The following USH2A variants were observed in gnomAD, a reference collection of about 807,000 sequenced individuals.
The protein encoded by USH2A is Usher syndrome 2A (autosomal recessive, mild).
A neutral mutation model predicts 538.9 loss-of-function variants in USH2A; 443 were observed. The observed-to-expected ratio is 0.82, with a 90% CI of 0.76 to 0.89. USH2A has a LOEUF of 0.89. USH2A is among the 40% of genes least tolerant of loss of function. The probability of loss-of-function intolerance (pLI) is 0.00; values close to 1 mark genes in which losing one functional copy is unlikely to be tolerated. For missense variants in USH2A, 6,633 were observed against 6,324.8 expected (o/e 1.05, Z -1.65); for synonymous variants, 2,413 against 2,273.5 (o/e 1.06, Z -1.75).
intron 21 of USH2A, among the ~76,000 whole-genome samples, chr1:216,170,137 G>T (rs1463935051): frequency 6.6e-6 from 1 of 151,926 alleles, no homozygotes; most frequent in Non-Finnish European, 1.5e-5. Flanking sequence ...TTAATGAAGT[G>T]CTTAAATGTC....
chr1:216,338,326 T>C (rs2038013581), intron 4 of USH2A, among the ~76,000 whole-genome samples: 1 of 151,362 alleles, frequency 6.6e-6, no homozygotes, highest in Admixed American at 6.6e-5. Context: ...AATTGGAGCT[T>C]GAGATACAGT....
At chr1:216,387,594 T>G (rs1466165675) in intron 3 of USH2A, among the ~76,000 whole-genome samples, 1 of 152,194 alleles carries the variant, frequency 6.6e-6, no homozygotes, top group African/African-American at 2.4e-5. Flanking sequence ...TGTCTCAAGT[T>G]GGGCCAAACT....
At chr1:216,309,520 C>T (rs149275493) in intron 9 of USH2A, among the ~76,000 whole-genome samples, 26 of 152,114 alleles carry the variant, frequency 1.7e-4, no homozygotes, top group Non-Finnish European at 3.4e-4. Context: ...CTTTTTCTTT[C>T]GTTCTCCTTT....
chr1:215,915,855 C>A (rs1485667892), intron 38 of USH2A, among the ~76,000 whole-genome samples: 1 of 151,486 alleles, frequency 6.6e-6, no homozygotes, highest in Non-Finnish European at 1.5e-5. Context: ...TACTATGCAG[C>A]CATAAAAAAG....
At chr1:216,052,900 T>C (rs956150668) in intron 30 of USH2A, among the ~76,000 whole-genome samples, 4 of 152,202 alleles carry the variant, frequency 2.6e-5, no homozygotes, top group African/African-American at 4.8e-5. Context: ...TTTGAGATCA[T>C]TGAGTGGTTA....
At chr1:216,297,590 G>C (rs2037132260) in intron 9 of USH2A, among the ~76,000 whole-genome samples, 1 of 152,060 alleles carries the variant, frequency 6.6e-6, no homozygotes, top group Admixed American at 6.6e-5. Context: ...CAGAATTGTT[G>C]ATCTCAAGTT....
intron 13 of USH2A, among the ~76,000 whole-genome samples, chr1:216,240,108 A>G (rs1298892382): frequency 6.6e-6 from 1 of 152,012 alleles, no homozygotes; most frequent in Non-Finnish European, 1.5e-5. Context: ...GGAGAGCCCG[A>G]CAATAAGCTA....
chr1:215,876,910 T>C (rs74141450), intron 43 of USH2A, among the ~76,000 whole-genome samples: 2,644 of 152,246 alleles, frequency 0.017, 76 homozygotes, highest in African/African-American at 0.061. Context: ...AAGGCTAGAA[T>C]GGTAAACAGG....
At chr1:216,007,943 T>A (rs1668446437) in intron 32 of USH2A, among the ~76,000 whole-genome samples, 1 of 152,210 alleles carries the variant, frequency 6.6e-6, no homozygotes, top group Non-Finnish European at 1.5e-5. Flanking sequence ...TACATATATG[T>A]CTTGAAGACT....
In USH2A at chr1:215,628,536, G is replaced by C. The variant is rs143215970; in HGVS notation, c.15519+278C>G. Among the ~76,000 whole-genome samples, 894 of 152,242 alleles carry C rather than the reference G, an allele frequency of 5.9e-3. 21 individuals are homozygous for C. The South Asian group carries it at 0.064, about 11-fold the overall frequency. ...GTCCTCAGGTGATCCGCCCACCTCG[G>C]CCTCCCCAAGTGCTGGGATTACAGG... is the stretch of plus-strand genomic sequence containing the variant. On this transcript the variant is annotated intron_variant, in intron 71 of 71. Transcript: ENST00000307340.
chr1:215,647,753 G>A (rs1656907734), intron 66 of USH2A, 23 bp from the exon 67 acceptor site: 5 of 1,611,734 alleles, frequency 3.1e-6, no homozygotes, highest in South Asian at 2.2e-5. Context: ...TGGATACGTA[G>A]AGTCAAGACG....
chr1:215,992,064 C>A (rs1243170459), intron 35 of USH2A, among the ~76,000 whole-genome samples: 1 of 151,944 alleles, frequency 6.6e-6, no homozygotes, highest in Non-Finnish European at 1.5e-5. Context: ...AGTGCATTTG[C>A]CAAAAGTTTA....
At chr1:215,833,589 G>A (rs1380767618) in intron 47 of USH2A, among the ~76,000 whole-genome samples, 3 of 151,854 alleles carry the variant, frequency 2.0e-5, no homozygotes, top group Non-Finnish European at 2.9e-5. Context: ...ACATACAAAT[G>A]TTCTAGGAAA....
chr1:215,627,753 C>A (rs758734868), intron 71 of USH2A, among the ~76,000 whole-genome samples: 2 of 152,072 alleles, frequency 1.3e-5, no homozygotes, highest in Admixed American at 6.6e-5. Context: ...CTCTATCTAA[C>A]TCTGGACCTC....
At chr1:216,073,021 A>C in intron 28 of USH2A, 52 bp from the exon 29 acceptor site, 36 of 1,612,650 alleles carry the variant, frequency 2.2e-5, no homozygotes, top group Non-Finnish European at 3.1e-5. Flanking sequence ...ATATAGATTA[A>C]TGAGGGGCTG....
At chr1:215,909,938 T>C (rs1353993598) in intron 38 of USH2A, among the ~76,000 whole-genome samples, 1 of 151,956 alleles carries the variant, frequency 6.6e-6, no homozygotes, top group African/African-American at 2.4e-5. Context: ...AAAAATTTGT[T>C]GGTTCTGGAT....
At chr1:216,375,536 G>A (rs1309282854) in intron 3 of USH2A, among the ~76,000 whole-genome samples, 1 of 152,112 alleles carries the variant, frequency 6.6e-6, no homozygotes, top group African/African-American at 2.4e-5. Flanking sequence ...GGCCTTGTCT[G>A]GATTAGACTT....
At chr1:215,893,537 T>C (rs886902611) in intron 40 of USH2A, among the ~76,000 whole-genome samples, 12 of 152,338 alleles carry the variant, frequency 7.9e-5, no homozygotes, top group African/African-American at 2.6e-4. Flanking sequence ...TGAGAGGATA[T>C]ACTTTTCCTG....
chr1:216,096,983 G>A, intron 22 of USH2A, 100 bp downstream of exon 22: 1 of 1,235,068 alleles, frequency 8.1e-7, no homozygotes, highest in South Asian at 1.4e-5. Context: ...TACCTTACAA[G>A]GTTTGAATGA....
Sources: gnomAD v4.1 joint callset for allele counts (sites outside exome capture counted in the v4.1 genomes callset) on GRCh38, gnomAD v4.1.1 for gene constraint, MANE v1.5 for transcripts, NCBI Gene and HGNC (gene_info 2026-07-23, HGNC 2026-07-21) for gene names.